Variants in LDB2 observed in about 807,000 individuals in gnomAD.
LDB2 encodes the protein LIM domain binding 2.
Under a neutral mutation model 44.3 loss-of-function variants are expected in LDB2, and 12 were observed. The observed-to-expected ratio is 0.27, with a 90% CI of 0.17 to 0.44. The LOEUF is 0.44. Ranked by LOEUF, LDB2 falls within the 20% of genes least tolerant of loss-of-function variation. LDB2 has a pLI of 1.00. For missense variants in LDB2, 344 were observed against 473.5 expected, an observed-to-expected ratio of 0.73 and a Z score of 2.54; for synonymous variants, 164 against 174.8, an observed-to-expected ratio of 0.94 and a Z score of 0.49.
At chr4:16,773,613 G>A (rs531873196) in intron 1 of LDB2, among the ~76,000 whole-genome samples, 30 of 152,166 alleles carry the variant, frequency 2.0e-4, no homozygotes, top group Non-Finnish European at 3.8e-4. Context: ...ATGGGGGAGC[G>A]GCTGTAAATA....
chr4:16,870,663 C>T (rs565776432), intron 1 of LDB2, among the ~76,000 whole-genome samples: 10 of 150,428 alleles, frequency 6.6e-5, no homozygotes, highest in Middle Eastern at 7.0e-3. Flanking sequence ...GATGGAGTCT[C>T]GCTCTTGTCA....
At chr4:16,801,814 C>T (rs536947537) in intron 1 of LDB2, among the ~76,000 whole-genome samples, 1 of 152,084 alleles carries the variant, frequency 6.6e-6, no homozygotes, top group Non-Finnish European at 1.5e-5. Flanking sequence ...CCACCCATAC[C>T]TGGAGAAAAG....
chr4:16,619,915 A>G (rs957264072), intron 2 of LDB2, among the ~76,000 whole-genome samples: 1 of 152,174 alleles, frequency 6.6e-6, no homozygotes, highest in African/African-American at 2.4e-5. Flanking sequence ...TAAAATAAAG[A>G]TAGCAGATAA....
intron 2 of LDB2, among the ~76,000 whole-genome samples, chr4:16,749,422 G>T (rs1332471863): frequency 6.6e-6 from 1 of 151,458 alleles, no homozygotes; most frequent in Non-Finnish European, 1.5e-5. Context: ...GCCGGGTGTG[G>T]TTGTGAGCGC....
intron 2 of LDB2, among the ~76,000 whole-genome samples, chr4:16,633,525 GA>G (rs1732646553): frequency 6.6e-6 from 1 of 151,910 alleles, no homozygotes; most frequent in Non-Finnish European, 1.5e-5. Context: ...GCTACTAAGA[GA>G]AAAAAATACC....
At chr4:16,637,299 A>ATTTTTT (rs34484721) in intron 2 of LDB2, among the ~76,000 whole-genome samples, 20 of 85,492 alleles carry the variant, frequency 2.3e-4, no homozygotes, top group South Asian at 1.1e-3. Context: ...GCCTAGGCTG[A>ATTTTTT]TTTTTTTTTT....
chr4:16,549,662 G>A (rs574326629), intron 5 of LDB2, among the ~76,000 whole-genome samples: 19 of 152,198 alleles, frequency 1.2e-4, no homozygotes, highest in African/African-American at 4.1e-4. Flanking sequence ...TGAAAGACCT[G>A]CAATGTTACC....
chr4:16,558,442 C>G (rs1740639940), intron 5 of LDB2, among the ~76,000 whole-genome samples: 1 of 152,094 alleles, frequency 6.6e-6, no homozygotes, highest in Admixed American at 6.5e-5. Context: ...ATGCGATCAA[C>G]TGGAAGAAAG....
chr4:16,592,734 G>C (rs1719577044), intron 3 of LDB2, among the ~76,000 whole-genome samples: 2 of 151,908 alleles, frequency 1.3e-5, no homozygotes, highest in South Asian at 2.1e-4. Flanking sequence ...ATTGAGAACA[G>C]AGAAAACATA....
chr4:16,578,064 A>T (rs996567386), intron 5 of LDB2, among the ~76,000 whole-genome samples: 2 of 152,152 alleles, frequency 1.3e-5, no homozygotes, highest in South Asian at 4.1e-4. Context: ...AAAATCAAAT[A>T]AAAATGGATT....
intron 2 of LDB2, among the ~76,000 whole-genome samples, chr4:16,757,721 G>C (rs562938509): frequency 1.3e-5 from 2 of 151,992 alleles, no homozygotes; most frequent in South Asian, 4.2e-4. Context: ...AGTAATTGTC[G>C]GACTGCTGAG....
intron 2 of LDB2, among the ~76,000 whole-genome samples, chr4:16,721,510 A>C (rs983269666): frequency 6.6e-6 from 1 of 152,152 alleles, no homozygotes; most frequent in Non-Finnish European, 1.5e-5. Flanking sequence ...AGTCCATTAA[A>C]ATTAGCATCA....
intron 1 of LDB2, among the ~76,000 whole-genome samples, chr4:16,771,052 T>A (rs751357621): frequency 1.3e-5 from 2 of 152,164 alleles, no homozygotes; most frequent in Non-Finnish European, 2.9e-5. Context: ...GACAAGGGAA[T>A]GTTTCTGGAA....
At chr4:16,669,728 C>G (rs574092949) in intron 2 of LDB2, among the ~76,000 whole-genome samples, 2 of 152,206 alleles carry the variant, frequency 1.3e-5, no homozygotes, top group African/African-American at 4.8e-5. Flanking sequence ...GCTAGTCACA[C>G]AATTTCTAAT....
chr4:16,541,429 TG>T (rs1321159849), intron 5 of LDB2, among the ~76,000 whole-genome samples: 1 of 152,146 alleles, frequency 6.6e-6, no homozygotes. Flanking sequence ...GCCAACACTA[TG>T]TTTTCTCTAC....
intron 2 of LDB2, among the ~76,000 whole-genome samples, chr4:16,689,513 C>T (rs1485849264): frequency 6.6e-6 from 1 of 152,174 alleles, no homozygotes; most frequent in South Asian, 2.1e-4. Context: ...ATGGTGGAGT[C>T]TTTGTGGTAT....
At chr4:16,518,644 T>C (rs1048859960) in intron 5 of LDB2, among the ~76,000 whole-genome samples, 1 of 152,096 alleles carries the variant, frequency 6.6e-6, no homozygotes, top group Non-Finnish European at 1.5e-5. Context: ...GCCCACAAAT[T>C]AAAAAATACT....
intron 2 of LDB2, among the ~76,000 whole-genome samples, chr4:16,756,956 A>AT (rs111556601): frequency 0.024 from 3,406 of 144,822 alleles, 81 homozygotes; most frequent in African/African-American, 0.064. Context: ...GTGATTGGGG[A>AT]TTTTTTTTTT....
chr4:16,525,765 C>T lies in LDB2; in HGVS notation c.616-13661G>A, dbSNP rs540444093. On this transcript the variant is annotated intron_variant, in intron 5 of 7. Transcript: ENST00000304523. ...TACTATGTCAGGTAGTGATAAGTAC[C>T]AAAGAGAAAAGGTAACGTAGGGAAG... 3.3e-5 allele frequency among the ~76,000 whole-genome samples: 5 copies of T among 151,954 alleles called. No individual in the cohort carries two copies. The Middle Eastern group carries it at 0.014, about 413-fold the overall frequency.
Sources: gnomAD v4.1 joint callset for allele counts (sites outside exome capture counted in the v4.1 genomes callset) on GRCh38, gnomAD v4.1.1 for gene constraint, MANE v1.5 for transcripts, NCBI Gene and HGNC (gene_info 2026-07-23, HGNC 2026-07-21) for gene names.